ETV1: variants seen among roughly 807,000 people sequenced by gnomAD.
ETV1 encodes the protein ETS translocation variant 1.
In ETV1, 27 loss-of-function variants were observed where a neutral mutation model predicts 62.3. The observed-to-expected ratio is 0.43, with a 90% confidence interval of 0.32 to 0.60. ETV1 has a LOEUF of 0.60. Ranked by LOEUF, ETV1 falls within the 20% of genes least tolerant of loss-of-function variation. ETV1 has a pLI of 0.06. For missense variants in ETV1, 605 were observed against 605.8 expected, an observed-to-expected ratio of 1.00 and a Z score of 0.01; for synonymous variants, 222 against 199.6, an observed-to-expected ratio of 1.11 and a Z score of -0.94.
At chr7:13,986,613 C>A in intron 5 of ETV1, 25 bp downstream of exon 5, 1 of 1,610,232 alleles carries the variant, frequency 6.2e-7, no homozygotes, top group Non-Finnish European at 8.5e-7. Context: ...TGCTTTCCCC[C>A]CTTTTAAAGC....
rs3735344 is a variant in ETV1 at position 13,895,063 on chromosome 7, A to C, written c.*803T>G. On this transcript the variant is annotated 3_prime_UTR_variant, in exon 14 of 14. Transcript: ENST00000430479. ...AATGAAGATTCCAAAGGACCATGAC[A>C]TGTCATTATTTAACTGAAATGGGCT... 16 of 232,838 alleles carry C rather than the reference A, an allele frequency of 6.9e-5. No individual in the cohort carries two copies. Among genetic ancestry groups the C allele is most frequent in the Non-Finnish European group, 1.7e-5 (2 of 117,704 alleles). The allele number at this position is 232,838 out of a possible 1,614,324, so 14.4% of individuals were successfully genotyped here.
At position 13,891,949 on chromosome 7, in the gene ETV1, C is replaced by A. The variant is rs1781410941; in HGVS notation, c.*3917G>T. Reference sequence around the variant, plus strand: ...TCTCCTCTGTAATGTTTTCTCATTACAAGCTCTGAAAAGGCTGCATGATAG... The same window carrying A: ...TCTCCTCTGTAATGTTTTCTCATTAAAAGCTCTGAAAAGGCTGCATGATAG... On this transcript the variant is annotated 3_prime_UTR_variant, in exon 14 of 14. Transcript: ENST00000430479. The A allele has an allele frequency of 4.3e-6, 1 of 231,674 alleles. No individual in the cohort carries two copies. Among genetic ancestry groups the A allele is most frequent in the African/African-American group, 2.2e-5 (1 of 45,256 alleles). 14.4% of individuals were successfully genotyped at this position (231,674 alleles called of 1,614,324 possible).
intron 12 of ETV1, among the ~76,000 whole-genome samples, chr7:13,903,449 C>T (rs1436286287): frequency 1.3e-5 from 2 of 151,998 alleles, no homozygotes; most frequent in East Asian, 3.9e-4. Context: ...CTGAGTCTTA[C>T]AGACGACTTT....
At chr7:13,910,175 G>A (rs918922488) in intron 10 of ETV1, among the ~76,000 whole-genome samples, 1 of 150,130 alleles carries the variant, frequency 6.7e-6, no homozygotes, top group Non-Finnish European at 1.5e-5. Context: ...ATATTTAGAT[G>A]GGTTAACCTT....
intron 5 of ETV1, among the ~76,000 whole-genome samples, chr7:13,984,353 A>G (rs1174539019): frequency 6.6e-6 from 1 of 152,032 alleles, no homozygotes; most frequent in African/African-American, 2.4e-5. Flanking sequence ...ACATAAATGG[A>G]CACATCTCAC....
intron 6 of ETV1, among the ~76,000 whole-genome samples, chr7:13,960,623 T>C (rs1224050199): frequency 6.6e-6 from 1 of 152,080 alleles, no homozygotes; most frequent in African/African-American, 2.4e-5. Context: ...TGTAAATCTA[T>C]AAAACTTAGA....
upstream of ETV1, chr7:13,991,122 C>A (rs912909019): frequency 1.2e-4 from 19 of 152,230 alleles, no homozygotes; most frequent in African/African-American, 4.1e-4. Flanking sequence ...ACGCGCGCAC[C>A]TATAAGCATT....
At position 13,938,632 on chromosome 7, in the gene ETV1, C is replaced by A. The variant is rs76478345; in HGVS notation, c.365+485G>T. On this transcript the variant is annotated intron_variant, in intron 7 of 13. Transcript: ENST00000430479. ...CCTTTATTATCATCAGAAGAACAAC[C>A]AGCTTTTTAATAGATAATAGCCTCT... Among the ~76,000 whole-genome samples the A allele has an allele frequency of 1.5e-3, 222 of 152,266 alleles. 2 individuals carry two copies. In the East Asian group the frequency reaches 0.033, roughly 23 times the overall value.
upstream of ETV1, chr7:13,990,373 A>T (rs543507828): frequency 6.6e-5 from 10 of 152,378 alleles, no homozygotes; most frequent in African/African-American, 2.4e-4. Context: ...ACAACAGAGC[A>T]AGCTAGGTGA....
intron 10 of ETV1, 67 bp downstream of exon 10, chr7:13,911,172 G>A (rs114558948): frequency 4.5e-4 from 459 of 1,026,982 alleles, no homozygotes; most frequent in African/African-American, 4.4e-3. Flanking sequence ...ATTAAATGAC[G>A]TCATATTTGG....
At chr7:13,903,905 A>C (rs1277798149) in intron 12 of ETV1, among the ~76,000 whole-genome samples, 1 of 152,150 alleles carries the variant, frequency 6.6e-6, no homozygotes, top group African/African-American at 2.4e-5. Context: ...CCCTAAACAC[A>C]CTGAGCAGAT....
At chr7:13,921,845 C>A (rs867238661) in intron 9 of ETV1, among the ~76,000 whole-genome samples, 1 of 151,960 alleles carries the variant, frequency 6.6e-6, no homozygotes, top group Non-Finnish European at 1.5e-5. Flanking sequence ...TGAACGTATA[C>A]CGAATTATTA....
chr7:13,903,813 A>G (rs1157540845), intron 12 of ETV1, among the ~76,000 whole-genome samples: 2 of 152,024 alleles, frequency 1.3e-5, no homozygotes, highest in Non-Finnish European at 2.9e-5. Context: ...CCTAGGAGAC[A>G]TGACTAATTC....
intron 4 of ETV1, among the ~76,000 whole-genome samples, chr7:13,987,428 A>T (rs561674368): frequency 3.9e-5 from 6 of 152,188 alleles, no homozygotes; most frequent in African/African-American, 1.4e-4. Context: ...TAAGTTTATT[A>T]TGAATGTCCT....
At chr7:13,931,412 G>C in intron 9 of ETV1, 90 bp downstream of exon 9, 1 of 1,411,834 alleles carries the variant, frequency 7.1e-7, no homozygotes, top group African/African-American at 1.4e-5. Flanking sequence ...AAATGGTCAG[G>C]AGCTACCTAG....
chr7:13,986,217 G>A, intron 5 of ETV1: 1 of 1,563,792 alleles, frequency 6.4e-7, no homozygotes, highest in Non-Finnish European at 8.7e-7. Flanking sequence ...TCTGCCATCA[G>A]AAAAGTCCTC....
intron 5 of ETV1, among the ~76,000 whole-genome samples, chr7:13,980,567 G>T (rs1781878309): frequency 1.3e-5 from 2 of 152,120 alleles, no homozygotes; most frequent in African/African-American, 2.4e-5. Context: ...GGAAGAGGAG[G>T]AAAGGAGAAG....
In ETV1 at chr7:13,893,302, A is replaced by T. The variant is rs1781504317; in HGVS notation, c.*2564T>A. 1 of 231,982 alleles carries T rather than the reference A, an allele frequency of 4.3e-6. No homozygotes were observed. The highest frequency in any genetic ancestry group is 2.2e-5 in the African/African-American group (1 of 45,306). 14.4% of individuals were successfully genotyped at this position (231,982 alleles called of 1,614,324 possible). The stretch of plus-strand genomic sequence containing the variant: ...AATCAGCTGCCAGATTTATTAATCT[A>T]CCTGAAAACAAAAACATAAAAACTC... On this transcript the variant is annotated 3_prime_UTR_variant, in exon 14 of 14. Transcript: ENST00000430479.
chr7:13,950,474 G>A (rs958558060), intron 6 of ETV1, among the ~76,000 whole-genome samples: 1 of 152,058 alleles, frequency 6.6e-6, no homozygotes, highest in Non-Finnish European at 1.5e-5. Flanking sequence ...AAATGAAGGA[G>A]ATACAGTTTG....
Sources: allele counts gnomAD v4.1 joint callset (sites outside exome capture counted in the v4.1 genomes callset), GRCh38; gene constraint gnomAD v4.1.1; transcripts MANE v1.5; gene names NCBI Gene and HGNC (gene_info 2026-07-23, HGNC 2026-07-21).